The following CFAP47 variants were observed in gnomAD, a reference collection of about 807,000 sequenced individuals.
The protein encoded by CFAP47 is cilia- and flagella-associated protein 47.
A neutral mutation model predicts 148.1 loss-of-function variants in CFAP47; 29 were observed. The ratio of observed to expected loss-of-function variants is 0.20; its 90% CI spans 0.15 to 0.27. CFAP47 has a LOEUF of 0.27. CFAP47 is among the 10% of genes least tolerant of loss of function. CFAP47 has a pLI of 1.00. For missense variants in CFAP47, 1,872 were observed against 1,697.5 expected (o/e 1.10, Z -1.81); for synonymous variants, 664 against 577.3 (o/e 1.15, Z -2.15).
At chrX:36,125,842 G>A (rs1236487509) in intron 33 of CFAP47, among the ~76,000 whole-genome samples, 1 of 110,853 alleles carries the variant, frequency 9.0e-6, no homozygotes, top group African/African-American at 3.3e-5. Context: ...TTAATGTATT[G>A]TCTAAATAGT....
chrX:36,353,427 CAAAG>C, intron 59 of CFAP47, 98 bp from the exon 60 acceptor site: 1 of 724,139 alleles, frequency 1.4e-6, no homozygotes. Context: ...CAAAGTATAT[CAAAG>C]GAAGTTTTAT....
chrX:35,950,093 A>G (rs1210466002), intron 4 of CFAP47, among the ~76,000 whole-genome samples: 1 of 111,750 alleles, frequency 8.9e-6, no homozygotes, highest in Non-Finnish European at 1.9e-5. Context: ...GTGGGGCCTG[A>G]GTGAGTTAAA....
intron 52 of CFAP47, 79 bp from the exon 53 acceptor site, chrX:36,300,992 GT>G: frequency 3.8e-6 from 2 of 527,492 alleles, no homozygotes; most frequent in Non-Finnish European, 6.6e-6. Context: ...ATTTATACTA[GT>G]TTGGGGTATA....
rs1936008622 is a variant in CFAP47 at position 35,941,475 on chromosome X, A to G, written c.517+77A>G. 5.9e-6 allele frequency: 3 copies of G among 512,006 alleles called. No homozygotes were observed. The Admixed American group carries it at 1.3e-4, about 23-fold the overall frequency. The allele number at this position is 512,006 out of a possible 1,213,427, so 42.2% of individuals were successfully genotyped here. ...TTGAAATGTATACCTTGTGTAATAG[A>G]TTACCTAATTTAACTGAAAAAAGGT... On this transcript the variant is annotated intron_variant, in intron 3 of 63. Transcript: ENST00000378653.
intron 49 of CFAP47, among the ~76,000 whole-genome samples, chrX:36,274,227 G>A (rs1363005765): frequency 8.9e-6 from 1 of 111,761 alleles, no homozygotes; most frequent in Admixed American, 9.5e-5. Context: ...AAAATATGCT[G>A]AGTCTATAAT....
intron 2 of CFAP47, among the ~76,000 whole-genome samples, chrX:35,941,060 T>C (rs1244332832): frequency 8.9e-6 from 1 of 111,944 alleles, no homozygotes; most frequent in African/African-American, 3.2e-5. Context: ...TGCACTTAGA[T>C]GCATAAAGTC....
intron 7 of CFAP47, among the ~76,000 whole-genome samples, 165 bp from the exon 8 acceptor site, chrX:35,955,796 C>T (rs778435898): frequency 7.1e-5 from 8 of 112,608 alleles, no homozygotes; most frequent in Non-Finnish European, 1.1e-4. Flanking sequence ...CTGCTGTATC[C>T]GCAAGGCGTG....
chrX:35,973,685 G>GGTTT (rs1336819256), intron 13 of CFAP47, among the ~76,000 whole-genome samples: 1 of 111,275 alleles, frequency 9.0e-6, no homozygotes, highest in Admixed American at 9.6e-5. Flanking sequence ...GACCAAACTG[G>GGTTT]GTTTGGTTCT....
At chrX:35,937,356 G>A (rs1935933524) in intron 2 of CFAP47, among the ~76,000 whole-genome samples, 1 of 108,881 alleles carries the variant, frequency 9.2e-6, no homozygotes, top group African/African-American at 3.3e-5. Flanking sequence ...ATTCTAACTA[G>A]GTCAGCGGGC....
At chrX:36,259,380 G>A (rs2146928858) in intron 49 of CFAP47, among the ~76,000 whole-genome samples, 1 of 110,999 alleles carries the variant, frequency 9.0e-6, no homozygotes, top group East Asian at 2.8e-4. Flanking sequence ...ATGTATATAT[G>A]TAGTATTTGA....
intron 46 of CFAP47, 115 bp downstream of exon 46, chrX:36,228,939 T>C: frequency 2.3e-6 from 1 of 437,514 alleles, no homozygotes; most frequent in Non-Finnish European, 4.1e-6. Flanking sequence ...TTATCTGCTG[T>C]CAATTATTTC....
chrX:36,143,619 T>A, intron 35 of CFAP47, among the ~76,000 whole-genome samples: 1 of 111,443 alleles, frequency 9.0e-6, no homozygotes, highest in East Asian at 2.8e-4. Flanking sequence ...CCAACCCCAA[T>A]ACTTTTGTGC....
chrX:36,008,021 GTGTTAAACCT>G (rs1311163969), intron 21 of CFAP47, among the ~76,000 whole-genome samples: 2 of 111,575 alleles, frequency 1.8e-5, no homozygotes, highest in Non-Finnish European at 3.8e-5. Flanking sequence ...GTCTGGTCCT[GTGTTAAACCT>G]GTCCCATAAC....
intron 48 of CFAP47, among the ~76,000 whole-genome samples, chrX:36,242,711 A>G (rs1298721255): frequency 8.9e-6 from 1 of 112,221 alleles, no homozygotes; most frequent in Non-Finnish European, 1.9e-5. Flanking sequence ...ACTCATTGGC[A>G]TTCGTGAGAG....
intron 63 of CFAP47, among the ~76,000 whole-genome samples, chrX:36,380,546 C>T (rs974590745): frequency 8.9e-6 from 1 of 111,925 alleles, no homozygotes; most frequent in Non-Finnish European, 1.9e-5. Context: ...CGGGTTCACG[C>T]CATTCTCCTG....
intron 2 of CFAP47, among the ~76,000 whole-genome samples, chrX:35,927,609 G>GTGTGTGTGTGTC (rs1935763475): frequency 9.1e-6 from 1 of 110,427 alleles, no homozygotes; most frequent in African/African-American, 3.3e-5. Flanking sequence ...GTGTGTGTGT[G>GTGTGTGTGTGTC]TGTGTGTGTA....
In CFAP47 at chrX:36,071,877, G is replaced by T. The variant is rs772531479; in HGVS notation, c.4371G>T (p.Gln1457His). 65 of 1,205,581 alleles carry T rather than the reference G, an allele frequency of 5.4e-5. No individual in the cohort carries two copies. The highest frequency in any genetic ancestry group is 7.2e-5 in the Non-Finnish European group (64 of 890,809). The change falls in exon 28 of 64, where the codon CAG becomes CAT. Residue 1457 changes from glutamine (Q) to histidine (H), a missense_variant. Coordinates refer to ENST00000378653, the MANE Select transcript of CFAP47 (RefSeq NM_001304548.2). ...KTRDGVLPPY[Q>H]DAKPPSPASI... ...GAGATGGTGTTTTGCCTCCCTACCA[G>T]GATGCTAAACCACCCTCTCCTGCTT...
At chrX:36,371,637 C>A (rs868917300) in intron 62 of CFAP47, among the ~76,000 whole-genome samples, 1 of 75,314 alleles carries the variant, frequency 1.3e-5, no homozygotes, top group Non-Finnish European at 2.6e-5. Context: ...TGTGTATATA[C>A]ACACATATGT....
chrX:36,372,040 G>GTATA (rs369542665), intron 62 of CFAP47, among the ~76,000 whole-genome samples: 12 of 102,069 alleles, frequency 1.2e-4, no homozygotes, highest in Non-Finnish European at 2.2e-4. Flanking sequence ...ATGTGTGTGT[G>GTATA]TATATATATA....
Sources: allele counts gnomAD v4.1 joint callset (sites outside exome capture counted in the v4.1 genomes callset), GRCh38; gene constraint gnomAD v4.1.1; transcripts MANE v1.5; gene names NCBI Gene and HGNC (gene_info 2026-07-23, HGNC 2026-07-21).